The following CARF variants were observed in gnomAD, a reference collection of about 807,000 sequenced individuals.
CARF encodes the protein calcium-responsive transcription factor.
CARF carries 57 observed loss-of-function variants against 82.0 expected under a neutral mutation model. The observed-to-expected ratio is 0.70, with a 90% CI of 0.56 to 0.87. The LOEUF (loss-of-function observed/expected upper bound fraction) is 0.87. CARF is among the 40% of genes least tolerant of loss of function. The probability of loss-of-function intolerance (pLI) is 0.00; values close to 1 mark genes in which losing one functional copy is unlikely to be tolerated. For synonymous variants in CARF, 268 were observed against 290.1 expected, an observed-to-expected ratio of 0.92 and a Z score of 0.77; for missense variants, 771 against 855.8, an observed-to-expected ratio of 0.90 and a Z score of 1.24.
Position 202,986,887 on chromosome 2 carries a change from T to TATATATATATATATAC in CARF, c.*3278_*3279insCATATATATATATATA, listed in dbSNP as rs2060459822. 1.1e-5 allele frequency: 1 copy of TATATATATATATATAC among 89,546 alleles called. No homozygotes were observed. The highest frequency in any genetic ancestry group is 3.2e-4 in the South Asian group (1 of 3,130). The allele number at this position is 89,546 out of a possible 1,614,324, so 5.5% of individuals were successfully genotyped here. On this transcript the variant is annotated 3_prime_UTR_variant, in exon 17 of 17. Coordinates refer to ENST00000438828, the MANE Select transcript of CARF (RefSeq NM_024744.17). Reference sequence around the variant, plus strand: ...CTGTGCGTATATATATATATATATATATATATATATATATATATATAGCAA... The same window carrying TATATATATATATATAC: ...CTGTGCGTATATATATATATATATATATATATATATATATACATATATATATATATATATATAGCAA...
chr2:202,980,265 A>C (rs1272314733), intron 14 of CARF, among the ~76,000 whole-genome samples: 1 of 152,160 alleles, frequency 6.6e-6, no homozygotes, highest in Non-Finnish European at 1.5e-5. Flanking sequence ...GCCGATAATT[A>C]GTTCTTCACT....
chr2:202,982,402 A>G lies in CARF; in HGVS notation c.2020A>G (p.Thr674Ala). 28 of 1,614,098 alleles carry G rather than the reference A, an allele frequency of 1.7e-5. No individual in the cohort carries two copies. The highest frequency in any genetic ancestry group is 2.3e-5 in the Non-Finnish European group (27 of 1,179,960). Reference sequence around the variant, plus strand: ...TCGGATTCTGTTGGGAGATGTGCAGACTATTCCAATACAGATTATAGACAA... The same window carrying G: ...TCGGATTCTGTTGGGAGATGTGCAGGCTATTCCAATACAGATTATAGACAA... Reference protein sequence around the residue: ...VHRILLGDVQTIPIQIIDNHS... With the variant: ...VHRILLGDVQAIPIQIIDNHS... Residue 674 changes from threonine to alanine, a missense_variant, in exon 16 of 17, where the codon ACT becomes GCT. Transcript: ENST00000438828.
intron 12 of CARF, 38 bp from the exon 13 acceptor site, chr2:202,974,296 A>G: frequency 6.7e-7 from 1 of 1,489,800 alleles, no homozygotes; most frequent in Non-Finnish European, 9.0e-7. Flanking sequence ...ATATTGCTAA[A>G]TGGTTTATGT....
Position 202,986,868 on chromosome 2 carries a change from G to GTATA in CARF, c.*3281_*3284dup, listed in dbSNP as rs67693134. The GTATA allele has an allele frequency of 0.037, 1,079 of 29,472 alleles. 31 individuals carry two copies. The highest frequency in any genetic ancestry group is 0.049 in the African/African-American group (638 of 12,898). The allele number at this position is 29,472 out of a possible 1,614,324, so 1.8% of individuals were successfully genotyped here. On this transcript the variant is annotated 3_prime_UTR_variant, in exon 17 of 17. Transcript: ENST00000438828. ...AAAGAGGTTTAAAAAATGTCTGTGC[G>GTATA]TATATATATATATATATATATATAT...
chr2:202,972,548 G>A (rs1406962728), intron 12 of CARF, among the ~76,000 whole-genome samples: 2 of 151,734 alleles, frequency 1.3e-5, no homozygotes, highest in African/African-American at 4.8e-5. Flanking sequence ...ATGGTGGCAC[G>A]CACCTGTAGT....
At chr2:202,943,634 T>G in intron 5 of CARF, among the ~76,000 whole-genome samples, 1 of 54,086 alleles carries the variant, frequency 1.8e-5, no homozygotes. Flanking sequence ...ACACACATAT[T>G]AGGCTAACTC....
chr2:202,975,845 G>A (rs1314984436), intron 13 of CARF, among the ~76,000 whole-genome samples: 1 of 151,826 alleles, frequency 6.6e-6, no homozygotes, highest in Admixed American at 6.6e-5. Context: ...AGGAGTTCGA[G>A]ACCAGCCTGG....
chr2:202,950,875 T>C (rs563084810), intron 5 of CARF, among the ~76,000 whole-genome samples: 1 of 152,332 alleles, frequency 6.6e-6, no homozygotes, highest in Non-Finnish European at 1.5e-5. Context: ...AGGACATTTT[T>C]ATCTCAAGAA....
At chr2:202,967,258 C>A (rs1443138631) in intron 10 of CARF, among the ~76,000 whole-genome samples, 160 bp downstream of exon 10, 6 of 152,200 alleles carry the variant, frequency 3.9e-5, no homozygotes, top group Non-Finnish European at 8.8e-5. Context: ...ACAACTCTTA[C>A]TAGTTTTTTG....
At chr2:202,916,730 G>T (rs889246285) in intron 1 of CARF, among the ~76,000 whole-genome samples, 2 of 151,632 alleles carry the variant, frequency 1.3e-5, no homozygotes, top group African/African-American at 4.8e-5. Flanking sequence ...CATTTTTTTT[G>T]GATATTACAC....
intron 13 of CARF, 36 bp from the exon 14 acceptor site, chr2:202,977,233 G>A: frequency 6.8e-7 from 1 of 1,475,398 alleles, no homozygotes; most frequent in Non-Finnish European, 9.4e-7. Flanking sequence ...CAATATAAGA[G>A]CTTTATTTTT....
At chr2:202,922,836 CA>C (rs1449143253) in intron 2 of CARF, among the ~76,000 whole-genome samples, 7 of 151,926 alleles carry the variant, frequency 4.6e-5, no homozygotes, top group Non-Finnish European at 8.8e-5. Context: ...AATAAAAGAG[CA>C]TCCCAGTTGG....
At position 202,986,868 on chromosome 2, in the gene CARF, G is replaced by GCATATA. The variant is rs2060443718; in HGVS notation, c.*3244_*3245insCATATA. On this transcript the variant is annotated 3_prime_UTR_variant, in exon 17 of 17. Coordinates refer to ENST00000438828, the MANE Select transcript of CARF (RefSeq NM_024744.17). ...AAAGAGGTTTAAAAAATGTCTGTGC[G>GCATATA]TATATATATATATATATATATATAT... 1 of 29,638 alleles carries GCATATA rather than the reference G, an allele frequency of 3.4e-5. No individual in the cohort carries two copies. The highest frequency in any genetic ancestry group is 7.7e-5 in the African/African-American group (1 of 13,012). The allele number at this position is 29,638 out of a possible 1,614,324, so 1.8% of individuals were successfully genotyped here.
At position 202,983,590 on chromosome 2, in the gene CARF, A is replaced by G. The variant is rs770541757; in HGVS notation, c.2144A>G (p.Lys715Arg). 2 of 1,609,704 alleles carry G rather than the reference A, an allele frequency of 1.2e-6. No homozygotes were observed. The highest frequency in any genetic ancestry group is 2.2e-5 in the East Asian group (1 of 44,770). ...CCAGCATTGTCTATGGAAGCAAAAAAAACTGTGGACTATAAGAAATTATCT... is the reference window on the plus strand; with the variant it reads ...CCAGCATTGTCTATGGAAGCAAAAAGAACTGTGGACTATAAGAAATTATCT... Reference protein sequence around the residue: ...KEPALSMEAKKTVDYKKLSAT With the variant: ...KEPALSMEAKRTVDYKKLSAT Residue 715 changes from lysine (K) to arginine (R), a missense_variant, in exon 17 of 17, where the codon AAA becomes AGA. Coordinates refer to ENST00000438828, the MANE Select transcript of CARF (RefSeq NM_024744.17).
chr2:202,982,037 T>G (rs778945514), intron 15 of CARF, 35 bp from the exon 16 acceptor site: 6 of 1,594,272 alleles, frequency 3.8e-6, no homozygotes, highest in Admixed American at 1.9e-5. Context: ...CATAGGAAAT[T>G]CAAACATTTT....
At chr2:202,969,371 T>G (rs2059684210) in intron 10 of CARF, among the ~76,000 whole-genome samples, 1 of 151,534 alleles carries the variant, frequency 6.6e-6, no homozygotes, top group Non-Finnish European at 1.5e-5. Flanking sequence ...AGGTTGGGAG[T>G]TCCAGATCAG....
Position 202,977,322 on chromosome 2 carries a change from A to G in CARF, c.1548A>G (p.Thr516=), listed in dbSNP as rs2060076745. 1.9e-6 allele frequency: 3 copies of G among 1,611,822 alleles called. No homozygotes were observed. Among genetic ancestry groups the G allele is most frequent in the Non-Finnish European group, 2.5e-6 (3 of 1,178,384 alleles). ...TTCTCAAAGAGACCATGACAGTTACATTTGCAGAAGGTAGGTTTTCTTGAA... is the reference window on the plus strand; with the variant it reads ...TTCTCAAAGAGACCATGACAGTTACGTTTGCAGAAGGTAGGTTTTCTTGAA... ...GNILKETMTV[T]FAEGNSPGES... is the part of the protein sequence containing the mutation. Residue 516 remains threonine (T), a synonymous_variant, in exon 14 of 17, where the codon ACA becomes ACG. Coordinates refer to ENST00000438828, the MANE Select transcript of CARF (RefSeq NM_024744.17).
intron 7 of CARF, among the ~76,000 whole-genome samples, chr2:202,954,814 C>T (rs1268183521): frequency 1.3e-5 from 2 of 151,444 alleles, no homozygotes; most frequent in Non-Finnish European, 2.9e-5. Flanking sequence ...TTGAGACCAT[C>T]CTGGCTAACA....
At chr2:202,930,968 C>CTTTTTTT (rs1007407230) in intron 3 of CARF, among the ~76,000 whole-genome samples, 50 of 103,166 alleles carry the variant, frequency 4.8e-4, no homozygotes, top group East Asian at 1.1e-3. Context: ...TTTTTCTTTT[C>CTTTTTTT]TTTTTTTTTT....
Sources: allele counts gnomAD v4.1 joint callset (sites outside exome capture counted in the v4.1 genomes callset), GRCh38; gene constraint gnomAD v4.1.1; transcripts MANE v1.5; gene names NCBI Gene and HGNC (gene_info 2026-07-23, HGNC 2026-07-21).